PIAS2: variants seen among roughly 807,000 people sequenced by gnomAD.
The protein encoded by PIAS2 is E3 SUMO-protein ligase PIAS2.
PIAS2 carries 19 observed loss-of-function variants against 69.7 expected under a neutral mutation model. The observed-to-expected ratio is 0.27, with a 90% confidence interval of 0.19 to 0.40. The LOEUF (loss-of-function observed/expected upper bound fraction) is 0.40, where lower values mean the gene tolerates loss of function less well. Ranked by LOEUF, PIAS2 falls within the 10% of genes least tolerant of loss-of-function variation. PIAS2 has a pLI of 1.00. For synonymous variants in PIAS2, 261 were observed against 263.2 expected (o/e 0.99, Z 0.08); for missense variants, 624 against 757.0 (o/e 0.82, Z 2.06).
rs1481208534 is a variant in PIAS2, at chr18:46,846,858, G to C, written c.727-17C>G. ...TGCATAGCCCTATAACCGTAAGAAA[G>C]AAAAATTATTTCAAATCATCTGCAG... On this transcript the variant is annotated splice_polypyrimidine_tract_variant and intron_variant, in intron 5 of 13. Coordinates refer to ENST00000585916, the MANE Select transcript of PIAS2 (RefSeq NM_004671.5). 6.5e-7 allele frequency: 1 copy of C among 1,528,474 alleles called. No homozygotes were observed. Among genetic ancestry groups the C allele is most frequent in the East Asian group, 2.4e-5 (1 of 42,206 alleles). The allele number at this position is 1,528,474 out of a possible 1,614,324, so 94.7% of individuals were successfully genotyped here. A position where few individuals can be genotyped will look rare whatever the true frequency, so the allele number is the denominator to read the frequency against.
chr18:46,900,063 C>G (rs2055558291), intron 1 of PIAS2, among the ~76,000 whole-genome samples: 1 of 152,084 alleles, frequency 6.6e-6, no homozygotes, highest in African/African-American at 2.4e-5. Context: ...AACATCGTCT[C>G]TACTAAAAAT....
rs2040761715 is a variant in PIAS2, at chr18:46,807,398, T to A, written c.*5035A>T. ...ATATATATATATTTTTTTTTTTTTT[T>A]TTTTTTTTTTTTAGAGAGTCTTGCT... On this transcript the variant is annotated 3_prime_UTR_variant, in exon 14 of 14. Coordinates refer to ENST00000585916, the MANE Select transcript of PIAS2 (RefSeq NM_004671.5). 2 of 98,656 alleles carry A rather than the reference T, an allele frequency of 2.0e-5. No individual in the cohort carries two copies. The highest frequency in any genetic ancestry group is 9.6e-5 in the Admixed American group (1 of 10,434). 6.1% of individuals were successfully genotyped at this position (98,656 alleles called of 1,614,324 possible).
rs992947260 is a variant in PIAS2, at chr18:46,808,109, A to G, written c.*4324T>C. The G allele has an allele frequency of 6.6e-6, 1 of 152,242 alleles. No homozygotes were observed. Among genetic ancestry groups the G allele is most frequent in the African/African-American group, 2.4e-5 (1 of 41,468 alleles). The allele number at this position is 152,242 out of a possible 1,614,324, so 9.4% of individuals were successfully genotyped here. On this transcript the variant is annotated 3_prime_UTR_variant, in exon 14 of 14. Coordinates refer to ENST00000585916, the MANE Select transcript of PIAS2 (RefSeq NM_004671.5). ...ATAACAATGGAGTACCATAAAATTA[A>G]TAATAGTTGACACAGTTTTAATGAC...
intron 11 of PIAS2, among the ~76,000 whole-genome samples, chr18:46,825,410 AAATCTGGT>A (rs1469947914): frequency 2.0e-5 from 3 of 152,234 alleles, no homozygotes; most frequent in African/African-American, 7.2e-5. Flanking sequence ...CACTGGACCT[AAATCTGGT>A]AATAAAGAAC....
Position 46,806,311 on chromosome 18 carries a change from G to A in PIAS2, c.*6122C>T, listed in dbSNP as rs1421670105. On this transcript the variant is annotated 3_prime_UTR_variant, in exon 14 of 14. Transcript: ENST00000585916. The stretch of plus-strand genomic sequence containing the variant: ...ACTTTCCTCTGAGAAGCCATTGCAA[G>A]AATGAGACATTCTTGGAAAATTCTT... 7.4e-6 allele frequency: 1 copy of A among 134,978 alleles called. No homozygotes were observed. Among genetic ancestry groups the A allele is most frequent in the East Asian group, 2.4e-4 (1 of 4,212 alleles). 8.4% of individuals were successfully genotyped at this position (134,978 alleles called of 1,614,324 possible). A position where few individuals can be genotyped will look rare whatever the true frequency, so the allele number is the denominator to read the frequency against.
intron 1 of PIAS2, chr18:46,916,800 G>A (rs2057976979): frequency 1.0e-6 from 1 of 984,754 alleles, no homozygotes; most frequent in African/African-American, 1.7e-5. Flanking sequence ...AGGCAAGGGT[G>A]GGAGAAGGGG....
intron 12 of PIAS2, 103 bp downstream of exon 12, chr18:46,820,830 G>C: frequency 9.8e-7 from 1 of 1,024,072 alleles, no homozygotes; most frequent in Non-Finnish European, 1.4e-6. Context: ...AATTTCCTTA[G>C]CACCTCTACT....
Position 46,803,642 on chromosome 18 carries a change from T to C in PIAS2, c.*8791A>G, listed in dbSNP as rs932486636. On this transcript the variant is annotated 3_prime_UTR_variant, in exon 14 of 14. Transcript: ENST00000585916. ...TTTGTTCCAGTTCCAAAGTATTGAG[T>C]CTAATAATGATTTGGGTCAGGTGGC... The C allele has an allele frequency of 4.6e-5, 7 of 152,204 alleles. No individual in the cohort carries two copies. Among genetic ancestry groups the C allele is most frequent in the Non-Finnish European group, 1.0e-4 (7 of 68,048 alleles). 9.4% of individuals were successfully genotyped at this position (152,204 alleles called of 1,614,324 possible).
intron 9 of PIAS2, among the ~76,000 whole-genome samples, chr18:46,833,485 A>G (rs2043980933): frequency 6.6e-6 from 1 of 152,228 alleles, no homozygotes; most frequent in Non-Finnish European, 1.5e-5. Flanking sequence ...TAATAAGTCA[A>G]AATTTATCAA....
intron 1 of PIAS2, chr18:46,917,043 G>A (rs1014662382): frequency 7.2e-5 from 71 of 987,854 alleles, no homozygotes; most frequent in South Asian, 9.1e-5. Flanking sequence ...CCCTCCTGGA[G>A]GGCGCCCCGA....
rs535043238 is a variant in PIAS2, at chr18:46,903,428, T to C, written c.25-12374A>G. The C allele has an allele frequency of 3.3e-5, 5 of 151,106 alleles. No homozygotes were observed. The East Asian group carries it at 9.6e-4, about 29-fold the overall frequency. 9.4% of individuals were successfully genotyped at this position (151,106 alleles called of 1,614,324 possible). A position where few individuals can be genotyped will look rare whatever the true frequency, so the allele number is the denominator to read the frequency against. On this transcript the variant is annotated intron_variant, in intron 1 of 13. Transcript: ENST00000585916. ...CAAAGAGACATGTCATGGATTGGGA[T>C]ATACAGATGGCAAATAAGCACATAA... is the stretch of plus-strand genomic sequence containing the variant.
chr18:46,890,590 G>A lies in PIAS2; in HGVS notation c.489C>T (p.Pro163=), dbSNP rs2053925403. 4 of 1,604,628 alleles carry A rather than the reference G, an allele frequency of 2.5e-6. No individual in the cohort carries two copies. The highest frequency in any genetic ancestry group is 1.1e-5 in the South Asian group (1 of 90,742). Residue 163 remains proline (P), a synonymous_variant, in exon 2 of 14, where the codon CCC becomes CCT. Transcript: ENST00000585916. The stretch of plus-strand genomic sequence containing the variant: ...TTCTCAAACACTTACCTAAACTCGT[G>A]GGCTTGATGAGAACATCAAGGACAT... The part of the protein sequence containing the change: ...FYDVLDVLIK[P]TSLVQSSIQR...
chr18:46,855,992 C>CTTTTTTTTTTTT (rs1256937354), intron 3 of PIAS2, among the ~76,000 whole-genome samples: 3 of 69,148 alleles, frequency 4.3e-5, no homozygotes, highest in Non-Finnish European at 6.0e-5. Context: ...TTTTCTTTTT[C>CTTTTTTTTTTTT]TTTTGTTTTT....
chr18:46,898,223 T>C (rs547946070), intron 1 of PIAS2, among the ~76,000 whole-genome samples: 7 of 152,180 alleles, frequency 4.6e-5, no homozygotes, highest in African/African-American at 1.4e-4. Context: ...AGTGGCACCA[T>C]CTTGGCTCAC....
At chr18:46,899,648 GT>G (rs1484158409) in intron 1 of PIAS2, among the ~76,000 whole-genome samples, 1 of 152,106 alleles carries the variant, frequency 6.6e-6, no homozygotes, top group East Asian at 1.9e-4. Flanking sequence ...TTTAATTTTA[GT>G]AAAGATGAGA....
chr18:46,825,026 T>C (rs1307995068), intron 11 of PIAS2, among the ~76,000 whole-genome samples: 2 of 151,536 alleles, frequency 1.3e-5, no homozygotes, highest in Non-Finnish European at 2.9e-5. Context: ...AAAAAAATAG[T>C]TGCTCACATA....
rs34052557 is a variant in PIAS2 at position 46,844,142 on chromosome 18, GA to G, written c.968-16del. The G allele has an allele frequency of 1.0e-3, 1,013 of 981,528 alleles. No individual in the cohort carries two copies. The highest frequency in any genetic ancestry group is 1.9e-3 in the East Asian group (66 of 33,920). 60.8% of individuals were successfully genotyped at this position (981,528 alleles called of 1,614,324 possible). A position where few individuals can be genotyped will look rare whatever the true frequency, so the allele number is the denominator to read the frequency against. On this transcript the variant is annotated splice_polypyrimidine_tract_variant and intron_variant, in intron 7 of 13. Coordinates refer to ENST00000585916, the MANE Select transcript of PIAS2 (RefSeq NM_004671.5). ...TTTTTCTTTAACTTTAAAAAGAAGAGAAAAAAAAAAATTTAAAAAAATTAAG... is the reference window on the plus strand; with the variant it reads ...TTTTTCTTTAACTTTAAAAAGAAGAGAAAAAAAAAATTTAAAAAAATTAAG...
At chr18:46,846,218 G>T (rs943207041) in intron 6 of PIAS2, among the ~76,000 whole-genome samples, 1 of 152,058 alleles carries the variant, frequency 6.6e-6, no homozygotes, top group Admixed American at 6.6e-5. Flanking sequence ...AAGGTATAGA[G>T]AAAATATTAT....
chr18:46,891,116 A>G, intron 1 of PIAS2, 62 bp from the exon 2 acceptor site: 1 of 1,182,198 alleles, frequency 8.5e-7, no homozygotes, highest in Non-Finnish European at 1.2e-6. Flanking sequence ...AATCCTATCT[A>G]AAATATAATG....
Sources: allele counts gnomAD v4.1 joint callset (sites outside exome capture counted in the v4.1 genomes callset), GRCh38; gene constraint gnomAD v4.1.1; transcripts MANE v1.5; gene names NCBI Gene and HGNC (gene_info 2026-07-23, HGNC 2026-07-21).